Variants in EVC2 observed in about 807,000 individuals in gnomAD.
EVC2 encodes the protein limbin.
A neutral mutation model predicts 149.3 loss-of-function variants in EVC2; 148 were observed. That is an observed-to-expected ratio of 0.99 (90% CI 0.87 to 1.14). The LOEUF is 1.14. Ranked by LOEUF, EVC2 falls within the 50% of genes most tolerant of loss-of-function variation. The pLI is 0.00. For missense variants in EVC2, 1,854 were observed against 1,627.3 expected (o/e 1.14, Z -2.40); for synonymous variants, 776 against 649.9 (o/e 1.19, Z -2.95).
downstream of EVC2, among the ~76,000 whole-genome samples, chr4:5,539,257 T>C (rs555608894): frequency 6.6e-6 from 1 of 152,224 alleles, no homozygotes; most frequent in Non-Finnish European, 1.5e-5. Context: ...CTGAAACCTG[T>C]AAAACATTGC....
chr4:5,588,715 T>A (rs755870257), intron 16 of EVC2, among the ~76,000 whole-genome samples: 1 of 152,216 alleles, frequency 6.6e-6, no homozygotes, highest in Non-Finnish European at 1.5e-5. Flanking sequence ...AACAAAAATA[T>A]GTGTGGTATA....
Position 5,686,099 on chromosome 4 carries a change from C to T in EVC2, c.707-620G>A, listed in dbSNP as rs13137754. Among the ~76,000 whole-genome samples, 122 of 7,034 alleles carry T rather than the reference C, an allele frequency of 0.017. No individual in the cohort carries two copies. Among genetic ancestry groups the T allele is most frequent in the Middle Eastern group, 0.05 (1 of 20 alleles). The allele number at this position is 7,034 out of a possible 152,430, so 4.6% of individuals were successfully genotyped here. On this transcript the variant is annotated intron_variant, in intron 5 of 21. Transcript: ENST00000344408. The surrounding 1 kb of genome is among the most constrained non-coding windows in gnomAD (Gnocchi z 5.4). ...TATATACACACACATATATATTACA[C>T]ACACACACACACACACACACACACA...
In EVC2 at chr4:5,657,032, G is replaced by A. The variant is rs905301562; in HGVS notation, c.1145+6075C>T. ...ACTCAACGCTAGCAGTCAGGCCTGG[G>A]TTTTAACCACTGGGCTCTATGCCCT... On this transcript the variant is annotated intron_variant, in intron 9 of 21. Coordinates refer to ENST00000344408, the MANE Select transcript of EVC2 (RefSeq NM_147127.5). The surrounding 1 kb of genome is among the most constrained non-coding windows in gnomAD (Gnocchi z 4.7). Among the ~76,000 whole-genome samples the A allele has an allele frequency of 4.6e-5, 7 of 152,086 alleles. No individual in the cohort carries two copies. The highest frequency in any genetic ancestry group is 1.3e-4 in the Admixed American group (2 of 15,262).
intron 7 of EVC2, among the ~76,000 whole-genome samples, chr4:5,680,535 T>G (rs754952995): frequency 2.6e-5 from 4 of 152,264 alleles, no homozygotes; most frequent in Non-Finnish European, 5.9e-5. Context: ...TATATGTAAG[T>G]CCCGTGAGTC....
At chr4:5,675,976 T>G (rs928845739) in intron 7 of EVC2, among the ~76,000 whole-genome samples, 2 of 152,128 alleles carry the variant, frequency 1.3e-5, no homozygotes, top group Admixed American at 1.3e-4. Context: ...AGTATTGGAA[T>G]TGCACTCTAA....
intron 1 of EVC2, among the ~76,000 whole-genome samples, chr4:5,706,535 A>G (rs982539185): frequency 1.3e-5 from 2 of 151,800 alleles, no homozygotes; most frequent in African/African-American, 4.8e-5. Context: ...AAGGCATCAT[A>G]TAATTACAAT....
intron 16 of EVC2, among the ~76,000 whole-genome samples, chr4:5,597,723 T>G (rs1425933500): frequency 2.1e-5 from 3 of 142,902 alleles, no homozygotes; most frequent in South Asian, 4.9e-4. Flanking sequence ...GCCAGGGCAA[T>G]TAGGCAGGAG....
At chr4:5,529,800 G>A in the EVC2 span, among the ~76,000 whole-genome samples, 1 of 150,012 alleles carries the variant, frequency 6.7e-6, no homozygotes, top group Non-Finnish European at 1.5e-5. The surrounding 1 kb of genome is among the most constrained non-coding windows in gnomAD (Gnocchi z 4.5). Flanking sequence ...GGGAAGAACT[G>A]ATTAAGTTAT....
At chr4:5,672,908 C>T (rs1285581822) in intron 7 of EVC2, among the ~76,000 whole-genome samples, 2 of 152,188 alleles carry the variant, frequency 1.3e-5, no homozygotes, top group African/African-American at 4.8e-5. Flanking sequence ...AGGACACGTA[C>T]TGTGTGATTC....
At chr4:5,595,599 A>C (rs578141142) in intron 16 of EVC2, among the ~76,000 whole-genome samples, 1 of 152,222 alleles carries the variant, frequency 6.6e-6, no homozygotes, top group Non-Finnish European at 1.5e-5. Flanking sequence ...AACTGGTACC[A>C]GCCACTGCAA....
intron 16 of EVC2, among the ~76,000 whole-genome samples, chr4:5,595,186 G>T (rs1314220865): frequency 6.6e-6 from 1 of 152,112 alleles, no homozygotes; most frequent in Non-Finnish European, 1.5e-5. Context: ...TAGCAAGGCA[G>T]GCCAACATTC....
chr4:5,625,994 A>G lies in EVC2; in HGVS notation c.1887-86T>C. 2 of 1,531,242 alleles carry G rather than the reference A, an allele frequency of 1.3e-6. No homozygotes were observed. Among genetic ancestry groups the G allele is most frequent in the Non-Finnish European group, 1.8e-6 (2 of 1,112,988 alleles). 94.9% of individuals were successfully genotyped at this position (1,531,242 alleles called of 1,614,324 possible). A position where few individuals can be genotyped will look rare whatever the true frequency, so the allele number is the denominator to read the frequency against. On this transcript the variant is annotated intron_variant, in intron 12 of 21. Transcript: ENST00000344408. This position sits in a 1 kb window ranked among gnomAD's most constrained non-coding sequence, Gnocchi z 4.0. ...CTATTGTGCCTGAACATTCATCTCCATATTAGTTTGGTTTGAATCAGAAAA... is the reference window on the plus strand; with the variant it reads ...CTATTGTGCCTGAACATTCATCTCCGTATTAGTTTGGTTTGAATCAGAAAA...
intron 18 of EVC2, 111 bp from the exon 19 acceptor site, chr4:5,574,883 A>T (rs1386191040): frequency 1.8e-5 from 20 of 1,125,358 alleles, no homozygotes; most frequent in Non-Finnish European, 2.6e-5. Context: ...ATATGATTTT[A>T]AAAATATGTC....
chr4:5,685,591 G>A (rs895653321), intron 5 of EVC2, 112 bp from the exon 6 acceptor site: 11 of 824,732 alleles, frequency 1.3e-5, no homozygotes, highest in Non-Finnish European at 1.8e-5. Flanking sequence ...TCCAAGGGAG[G>A]CCACCATGGC....
rs1331241591 is a variant in EVC2, at chr4:5,565,359, C to T, written c.3558G>A (p.Arg1186=). 4 of 1,613,850 alleles carry T rather than the reference C, an allele frequency of 2.5e-6. No homozygotes were observed. Among genetic ancestry groups the T allele is most frequent in the Non-Finnish European group, 2.5e-6 (3 of 1,179,940 alleles). ...AGGCTTGCCACCAGCTCTGGTGTTT[C>T]CTGCAGGCAAGAAGGGAGTCTTATA... is the stretch of plus-strand genomic sequence containing the variant. ...GAEQADVGRR[R]KHQSWWQALD... Residue 1186 remains arginine, a splice_region_variant and synonymous_variant, in exon 21 of 22, where the codon AGG becomes AGA. Coordinates refer to ENST00000344408, the MANE Select transcript of EVC2 (RefSeq NM_147127.5).
chr4:5,602,889 T>A (rs1452499290), intron 16 of EVC2, among the ~76,000 whole-genome samples: 1 of 152,160 alleles, frequency 6.6e-6, no homozygotes, highest in Non-Finnish European at 1.5e-5. Flanking sequence ...TTTAGAGTTA[T>A]GGAGGTAAGC....
intron 3 of EVC2, among the ~76,000 whole-genome samples, chr4:5,692,375 C>T (rs1230028493): frequency 6.6e-6 from 1 of 152,034 alleles, no homozygotes; most frequent in African/African-American, 2.4e-5. Context: ...GGCATGGCAG[C>T]CATCACTTTA....
chr4:5,688,678 T>C (rs1163964839), intron 5 of EVC2, among the ~76,000 whole-genome samples: 1 of 152,084 alleles, frequency 6.6e-6, no homozygotes, highest in Non-Finnish European at 1.5e-5. Flanking sequence ...CCAGTGAACA[T>C]GCTTGAACAC....
rs1172959079 is a variant in EVC2, at chr4:5,628,639, G to C, written c.1806C>G (p.Leu602=). Residue 602 remains leucine, a synonymous_variant, in exon 12 of 22, where the codon CTC becomes CTG. Transcript: ENST00000344408. ...FGHREYLVQN[L]QSSETRVQGL... ...CCTGCACACGGGTCTCTGATGACTG[G>C]AGGTTCTGGACCAGATATTCCCTGT... 3 of 1,613,944 alleles carry C rather than the reference G, an allele frequency of 1.9e-6. No homozygotes were observed. Among genetic ancestry groups the C allele is most frequent in the Non-Finnish European group, 2.5e-6 (3 of 1,179,986 alleles).
Sources: gnomAD v4.1 joint callset for allele counts (sites outside exome capture counted in the v4.1 genomes callset) on GRCh38, gnomAD v4.1.1 for gene constraint, Gnocchi (gnomAD v3.1) non-coding constraint, MANE v1.5 for transcripts, NCBI Gene and HGNC (gene_info 2026-07-23, HGNC 2026-07-21) for gene names.